CNTNAP5: variants seen among roughly 807,000 people sequenced by gnomAD.
The protein encoded by CNTNAP5 is contactin associated protein family member 5.
Under a neutral mutation model 150.2 loss-of-function variants are expected in CNTNAP5, and 72 were observed. The observed-to-expected ratio is 0.48, with a 90% CI of 0.40 to 0.58. The LOEUF is 0.58. Among genes scored for constraint, CNTNAP5 ranks in the 20% least tolerant of loss-of-function variants. The pLI, the probability that CNTNAP5 is intolerant of heterozygous loss-of-function variation, is 0.00. For missense variants in CNTNAP5, 1,636 were observed against 1,626.2 expected, an observed-to-expected ratio of 1.01 and a Z score of -0.10; for synonymous variants, 672 against 619.8, an observed-to-expected ratio of 1.08 and a Z score of -1.25.
rs1006907355 is a variant in CNTNAP5, at chr2:124,803,013, G to A, written c.3217+4693G>A. On this transcript the variant is annotated intron_variant, in intron 19 of 23. Coordinates refer to ENST00000682447, the MANE Select transcript of CNTNAP5 (RefSeq NM_001367498.1). The stretch of plus-strand genomic sequence containing the variant: ...GCCTTTAGTCCCAGCTACTCGGGAG[G>A]CTGAGGCAGGAGAATGATGTGAACC... Among the ~76,000 whole-genome samples the A allele has an allele frequency of 5.9e-5, 9 of 151,822 alleles. No individual in the cohort carries two copies. In the South Asian group the frequency reaches 6.3e-4, roughly 11 times the overall value.
At chr2:124,847,564 G>A (rs545558355) in intron 19 of CNTNAP5, among the ~76,000 whole-genome samples, 2 of 152,236 alleles carry the variant, frequency 1.3e-5, no homozygotes, top group Middle Eastern at 3.4e-3. Flanking sequence ...AAAGCAAGCC[G>A]ACTTACAGGC....
At chr2:124,197,982 A>T (rs1319620062) in intron 1 of CNTNAP5, among the ~76,000 whole-genome samples, 1 of 151,530 alleles carries the variant, frequency 6.6e-6, no homozygotes, top group African/African-American at 2.4e-5. Flanking sequence ...GTCTCAAAAA[A>T]AAAATAATAA....
chr2:124,227,241 T>C (rs1686483016), intron 2 of CNTNAP5, among the ~76,000 whole-genome samples: 1 of 152,192 alleles, frequency 6.6e-6, no homozygotes, highest in Admixed American at 6.5e-5. Flanking sequence ...ACTTCCAGCA[T>C]GTTCTCCTCC....
Position 124,916,213 on chromosome 2 carries a change from CATGAT to C in CNTNAP5, c.*1928_*1932del, listed in dbSNP as rs1415523344. Among the ~76,000 whole-genome samples the C allele has an allele frequency of 6.6e-6, 1 of 152,126 alleles. No homozygotes were observed. Among genetic ancestry groups the C allele is most frequent in the Non-Finnish European group, 1.5e-5 (1 of 68,000 alleles). ...TTGAGCTCAATCGCTTTATCATCTA[CATGAT>C]ATCTTTTGGCTAGTACATTTATTTT... is the stretch of plus-strand genomic sequence containing the variant. On this transcript the variant is annotated 3_prime_UTR_variant, in exon 24 of 24. Coordinates refer to ENST00000682447, the MANE Select transcript of CNTNAP5 (RefSeq NM_001367498.1).
At chr2:124,267,802 T>C (rs1488781874) in intron 3 of CNTNAP5, among the ~76,000 whole-genome samples, 1 of 152,178 alleles carries the variant, frequency 6.6e-6, no homozygotes, top group African/African-American at 2.4e-5. Flanking sequence ...AAAATGCTCC[T>C]GGCAAGCAAA....
chr2:124,762,947 A>G (rs1356429822), intron 14 of CNTNAP5, among the ~76,000 whole-genome samples: 4 of 152,118 alleles, frequency 2.6e-5, no homozygotes, highest in African/African-American at 9.7e-5. Flanking sequence ...ACTCAATGCT[A>G]GTTTCCTACA....
At chr2:124,057,450 T>TTTTTTTTTTTTTTTTTTTTTTTTTTTTG in intron 1 of CNTNAP5, among the ~76,000 whole-genome samples, 1 of 90,030 alleles carries the variant, frequency 1.1e-5, no homozygotes, top group Non-Finnish European at 2.6e-5. Flanking sequence ...GCCAGCTAAT[T>TTTTTTTTTTTTTTTTTTTTTTTTTTTTG]TTTTTTTTTT....
intron 10 of CNTNAP5, among the ~76,000 whole-genome samples, chr2:124,539,675 A>G (rs1012652378): frequency 3.9e-5 from 6 of 152,304 alleles, no homozygotes; most frequent in East Asian, 3.9e-4. Flanking sequence ...ATTGACTGAG[A>G]TCGGAAAGAA....
chr2:124,088,227 C>T (rs971296182), intron 1 of CNTNAP5, among the ~76,000 whole-genome samples: 4 of 152,068 alleles, frequency 2.6e-5, no homozygotes, highest in African/African-American at 9.7e-5. Flanking sequence ...GACTATCAAG[C>T]CTGTCCTCTG....
At chr2:124,711,405 A>T (rs1679804877) in intron 13 of CNTNAP5, among the ~76,000 whole-genome samples, 1 of 152,132 alleles carries the variant, frequency 6.6e-6, no homozygotes, top group African/African-American at 2.4e-5. Context: ...TGACTCCTTT[A>T]TATGCTACTT....
intron 3 of CNTNAP5, among the ~76,000 whole-genome samples, chr2:124,306,897 T>A (rs547191448): frequency 2.8e-4 from 42 of 151,916 alleles, no homozygotes; most frequent in African/African-American, 9.7e-4. Context: ...CTGGCTAATT[T>A]TTGTATTTTT....
chr2:124,215,748 A>G (rs1363654540), intron 1 of CNTNAP5, among the ~76,000 whole-genome samples: 1 of 151,486 alleles, frequency 6.6e-6, no homozygotes, highest in Non-Finnish European at 1.5e-5. Flanking sequence ...AGAAATTCAA[A>G]TTATCCTGAA....
chr2:124,876,963 C>T (rs928978661), intron 21 of CNTNAP5, among the ~76,000 whole-genome samples: 10 of 152,068 alleles, frequency 6.6e-5, no homozygotes, highest in African/African-American at 2.4e-4. Context: ...CCCAAACACG[C>T]ATGTCTTATA....
At chr2:124,111,583 A>G (rs1045781210) in intron 1 of CNTNAP5, among the ~76,000 whole-genome samples, 3 of 152,140 alleles carry the variant, frequency 2.0e-5, no homozygotes, top group Non-Finnish European at 2.9e-5. Context: ...TGATGTCAGT[A>G]ACTAAAAACA....
At chr2:124,738,101 T>C (rs768772572) in intron 13 of CNTNAP5, among the ~76,000 whole-genome samples, 32 of 152,276 alleles carry the variant, frequency 2.1e-4, no homozygotes, top group Admixed American at 5.9e-4. Context: ...TTTTCATTCA[T>C]TATTTTTTTT....
intron 20 of CNTNAP5, among the ~76,000 whole-genome samples, chr2:124,868,306 C>A (rs912210120): frequency 6.6e-6 from 1 of 152,256 alleles, no homozygotes; most frequent in Non-Finnish European, 1.5e-5. Context: ...TTATCTGACA[C>A]CCCTGCTCAT....
At chr2:124,473,038 G>A (rs937702379) in intron 6 of CNTNAP5, among the ~76,000 whole-genome samples, 78 of 151,948 alleles carry the variant, frequency 5.1e-4, no homozygotes, top group Non-Finnish European at 1.1e-3. Context: ...CAAGTATCTG[G>A]TTAAAGAAAA....
At chr2:124,547,843 A>C (rs1439775569) in intron 10 of CNTNAP5, among the ~76,000 whole-genome samples, 1 of 152,158 alleles carries the variant, frequency 6.6e-6, no homozygotes, top group African/African-American at 2.4e-5. Flanking sequence ...CACAGAGAAA[A>C]GAGATGGCCA....
rs146458046 is a variant in CNTNAP5 at position 124,201,518 on chromosome 2, T to C, written c.83-20187T>C. ...GAAAACAAAGCTTAGGAAAGGTAAA[T>C]AGAGTATTCAAGGGTATACATCTAA... On this transcript the variant is annotated intron_variant, in intron 1 of 23. Coordinates refer to ENST00000682447, the MANE Select transcript of CNTNAP5 (RefSeq NM_001367498.1). Among the ~76,000 whole-genome samples the C allele has an allele frequency of 2.9e-3, 449 of 152,338 alleles. 1 individual carries two copies. The highest frequency in any genetic ancestry group is 0.01 in the African/African-American group (424 of 41,584).
Sources: gnomAD v4.1 joint callset for allele counts (sites outside exome capture counted in the v4.1 genomes callset) on GRCh38, gnomAD v4.1.1 for gene constraint, MANE v1.5 for transcripts, NCBI Gene and HGNC (gene_info 2026-07-23, HGNC 2026-07-21) for gene names.